Variants in HK1 observed in about 807,000 individuals in gnomAD.
The protein encoded by HK1 is hexokinase 1, also known as hexokinase-1.
A neutral mutation model predicts 91.6 loss-of-function variants in HK1; 28 were observed. The ratio of observed to expected loss-of-function variants is 0.31; its 90% confidence interval spans 0.23 to 0.42. The LOEUF is 0.42. Ranked by LOEUF, HK1 falls within the 10% of genes least tolerant of loss-of-function variation. The probability of loss-of-function intolerance (pLI) is 1.00; values close to 1 mark genes in which losing one functional copy is unlikely to be tolerated. For synonymous variants in HK1, 430 were observed against 468.1 expected, an observed-to-expected ratio of 0.92 and a Z score of 1.05; for missense variants, 770 against 1,219.8, an observed-to-expected ratio of 0.63 and a Z score of 5.49.
At chr10:69,352,742 G>A (rs1269786273) in intron 2 of HK1, among the ~76,000 whole-genome samples, 3 of 152,158 alleles carry the variant, frequency 2.0e-5, no homozygotes. Flanking sequence ...GTGAATGGTT[G>A]TTAATGGGTA....
Position 69,369,739 on chromosome 10 carries a change from C to G in HK1, c.875+115C>G. On this transcript the variant is annotated intron_variant, in intron 7 of 17. Transcript: ENST00000359426. The surrounding 1 kb of genome is among the most constrained non-coding windows in gnomAD (Gnocchi z 4.4). The stretch of plus-strand genomic sequence containing the variant: ...GCCAAGTGATCACAAACAGAAAAGC[C>G]TGTCACATTTTTTTTTTGAGGCGGA... 9.2e-7 allele frequency: 1 copy of G among 1,085,612 alleles called. No homozygotes were observed. Among genetic ancestry groups the G allele is most frequent in the African/African-American group, 1.6e-5 (1 of 63,988 alleles). The allele number at this position is 1,085,612 out of a possible 1,614,324, so 67.2% of individuals were successfully genotyped here.
chr10:69,336,610 A>G (rs1848001734), intron 1 of HK1, among the ~76,000 whole-genome samples: 2 of 147,544 alleles, frequency 1.4e-5, no homozygotes, highest in South Asian at 2.1e-4. Context: ...TTTTCTACCA[A>G]TGGGTCAATA....
chr10:69,364,959 C>T, intron 4 of HK1, 57 bp downstream of exon 4: 1 of 1,603,508 alleles, frequency 6.2e-7, no homozygotes, highest in Non-Finnish European at 8.5e-7. Context: ...GAAAAGCTAA[C>T]AAGCCCTTTT....
intron 4 of HK1, among the ~76,000 whole-genome samples, chr10:69,365,485 T>C (rs780604498): frequency 1.2e-4 from 18 of 152,196 alleles, no homozygotes; most frequent in Non-Finnish European, 2.1e-4. Context: ...ACTGCAGGAA[T>C]ACAAAATAAA....
Position 69,280,339 on chromosome 10 carries a change from G to A in HK1, c.-390-2190G>A, listed in dbSNP as rs906463986. Among the ~76,000 whole-genome samples the A allele has an allele frequency of 3.9e-5, 6 of 152,070 alleles. No individual in the cohort carries two copies. In the East Asian group the frequency reaches 5.8e-4, roughly 15 times the overall value. On this transcript the variant is annotated intron_variant, in intron 1 of 21. Transcript: ENST00000360289. ...TCACTGTGTTAGCCAGGATGGTCTC[G>A]ACCTCCTGACTTTGTGATTTGCCCA...
chr10:69,288,284 G>A lies in HK1; in HGVS notation c.-214-387G>A, dbSNP rs572002003. 9.2e-5 allele frequency among the ~76,000 whole-genome samples: 14 copies of A among 152,252 alleles called. No homozygotes were observed. In the South Asian group the frequency reaches 2.9e-3, roughly 32 times the overall value. ...TGACGAGGTACCACTTCCAGACCAG[G>A]CTCCAGGGAATTTCTTCTAGAATGA... On this transcript the variant is annotated intron_variant, in intron 2 of 21. Coordinates refer to the HK1 transcript ENST00000360289.
chr10:69,337,588 T>C (rs930174889), intron 1 of HK1, among the ~76,000 whole-genome samples: 1 of 152,238 alleles, frequency 6.6e-6, no homozygotes, highest in Admixed American at 6.5e-5. Context: ...TCTGAGTCAG[T>C]GTCCTTAGCA....
intron 5 of HK1, among the ~76,000 whole-genome samples, chr10:69,308,247 C>T (rs547704474): frequency 1.5e-4 from 23 of 152,130 alleles, no homozygotes; most frequent in South Asian, 1.0e-3. Context: ...GGGATGGTTT[C>T]GGGGTGAAAC....
chr10:69,392,996 T>C (rs906860567), intron 15 of HK1, among the ~76,000 whole-genome samples: 1 of 152,250 alleles, frequency 6.6e-6, no homozygotes, highest in Non-Finnish European at 1.5e-5. Context: ...TTTCTTTTTG[T>C]TTGAGGTGGA....
chr10:69,355,302 A>T (rs1849074447), intron 2 of HK1, among the ~76,000 whole-genome samples: 1 of 152,180 alleles, frequency 6.6e-6, no homozygotes, highest in Non-Finnish European at 1.5e-5. Context: ...CAGAAAGCAA[A>T]CCTTATTTTG....
chr10:69,396,910 C>T (rs1391584712), intron 16 of HK1, among the ~76,000 whole-genome samples: 1 of 152,110 alleles, frequency 6.6e-6, no homozygotes, highest in African/African-American at 2.4e-5. Flanking sequence ...GTCTCAAACT[C>T]CCGACCTCAG....
chr10:69,370,414 A>G (rs984441883), intron 7 of HK1, among the ~76,000 whole-genome samples: 2 of 152,212 alleles, frequency 1.3e-5, no homozygotes, highest in Non-Finnish European at 2.9e-5. Context: ...AACAAAGCAC[A>G]GGAAAGTTAG....
chr10:69,384,313 T>C lies in HK1; in HGVS notation c.1571-20T>C. 6.2e-7 allele frequency: 1 copy of C among 1,614,272 alleles called. No individual in the cohort carries two copies. On this transcript the variant is annotated intron_variant, in intron 10 of 17. Transcript: ENST00000359426. The stretch of plus-strand genomic sequence containing the variant: ...GCACTTAGCTGTTTTTGACATTCTT[T>C]ACGCTTTTGACTGCAACAGAGAATG...
At position 69,384,810 on chromosome 10, in the gene HK1, T is replaced by C; in HGVS notation, c.1734T>C (p.Ile578=). The change falls in exon 12 of 18, where the codon ATT becomes ATC. Residue 578 remains isoleucine (I), a synonymous_variant. Transcript: ENST00000359426. ...QGTGEELFDH[I]VSCISDFLDY... ...TTCCCCTGCAGCTGTTTGATCACAT[T>C]GTCTCCTGCATCTCTGACTTCTTGG... is the stretch of plus-strand genomic sequence containing the variant. 1.9e-6 allele frequency: 3 copies of C among 1,614,162 alleles called. No homozygotes were observed. The highest frequency in any genetic ancestry group is 1.3e-5 in the African/African-American group (1 of 75,022).
At chr10:69,347,679 C>T (rs1024177539) in intron 2 of HK1, among the ~76,000 whole-genome samples, 12 of 152,042 alleles carry the variant, frequency 7.9e-5, no homozygotes, top group African/African-American at 2.4e-4. Flanking sequence ...TGTGATCTGC[C>T]CGCCTTGGCC....
intron 14 of HK1, 146 bp downstream of exon 14, chr10:69,389,442 GCT>G: frequency 1.5e-6 from 1 of 665,842 alleles, no homozygotes; most frequent in Non-Finnish European, 2.8e-6. Flanking sequence ...AGAGTTCAGG[GCT>G]GGACGAAGGC....
intron 1 of HK1, among the ~76,000 whole-genome samples, chr10:69,279,728 A>T (rs534903180): frequency 1.3e-5 from 2 of 152,216 alleles, no homozygotes; most frequent in Admixed American, 6.5e-5. Context: ...AGGAAACCAC[A>T]TGTGAGAGGT....
intron 14 of HK1, among the ~76,000 whole-genome samples, chr10:69,390,371 C>G (rs1160155810): frequency 1.3e-5 from 2 of 152,216 alleles, no homozygotes; most frequent in African/African-American, 4.8e-5. Context: ...CAGGCTCCAG[C>G]TACATTTCAT....
At chr10:69,345,740 C>T (rs1482314505) in intron 2 of HK1, among the ~76,000 whole-genome samples, 2 of 152,140 alleles carry the variant, frequency 1.3e-5, no homozygotes, top group Non-Finnish European at 2.9e-5. Flanking sequence ...GTCCCAGGGA[C>T]CTATGTCAGC....
Sources: allele counts gnomAD v4.1 joint callset (sites outside exome capture counted in the v4.1 genomes callset), GRCh38; gene constraint gnomAD v4.1.1; non-coding constraint Gnocchi (gnomAD v3.1); transcripts MANE v1.5; gene names NCBI Gene and HGNC (gene_info 2026-07-23, HGNC 2026-07-21).